Variants in NDUFS4 observed in about 807,000 individuals in gnomAD.
NDUFS4 encodes the protein NADH dehydrogenase [ubiquinone] iron-sulfur protein 4, mitochondrial.
Under a neutral mutation model 24.3 loss-of-function variants are expected in NDUFS4, and 28 were observed. The ratio of observed to expected loss-of-function variants is 1.15; its 90% CI spans 0.85 to 1.58. The LOEUF (loss-of-function observed/expected upper bound fraction) is 1.58, where lower values mean the gene tolerates loss of function less well. Ranked by LOEUF, NDUFS4 falls within the 40% of genes most tolerant of loss-of-function variation. The pLI is 0.00. For synonymous variants in NDUFS4, 93 were observed against 69.7 expected (o/e 1.34, Z -1.67); for missense variants, 223 against 207.9 (o/e 1.07, Z -0.45).
intron 4 of NDUFS4, among the ~76,000 whole-genome samples, chr5:53,665,498 T>C (rs1752485220): frequency 1.3e-5 from 2 of 152,230 alleles, no homozygotes; most frequent in South Asian, 4.1e-4. Flanking sequence ...CTGGCTGCTT[T>C]GTTTACCTAG....
chr5:53,664,154 A>T (rs1376444392), intron 4 of NDUFS4, among the ~76,000 whole-genome samples: 2 of 152,160 alleles, frequency 1.3e-5, no homozygotes, highest in African/African-American at 2.4e-5. Context: ...AATGTTGAAT[A>T]TTGGCCCCCA....
At chr5:53,566,637 C>A (rs144159784) in intron 1 of NDUFS4, among the ~76,000 whole-genome samples, 1 of 152,238 alleles carries the variant, frequency 6.6e-6, no homozygotes, top group East Asian at 1.9e-4. Flanking sequence ...CACGGATGCT[C>A]AAGTCCTTGA....
intron 1 of NDUFS4, among the ~76,000 whole-genome samples, chr5:53,580,672 T>G (rs533085067): frequency 5.9e-5 from 9 of 152,094 alleles, no homozygotes; most frequent in African/African-American, 1.7e-4. Context: ...TCTCTCTTTC[T>G]TTCTTTCTCT....
intron 2 of NDUFS4, among the ~76,000 whole-genome samples, chr5:53,639,835 T>C (rs1026267381): frequency 2.6e-5 from 4 of 152,198 alleles, no homozygotes; most frequent in Non-Finnish European, 5.9e-5. Flanking sequence ...AGTTTGTATT[T>C]CTAAAAGATA....
intron 2 of NDUFS4, among the ~76,000 whole-genome samples, chr5:53,631,740 C>G (rs1246316664): frequency 6.6e-6 from 1 of 152,220 alleles, no homozygotes; most frequent in African/African-American, 2.4e-5. Context: ...CAAGCTCCAG[C>G]ATCCCAGGTC....
chr5:53,623,807 C>T (rs904407652), intron 2 of NDUFS4, among the ~76,000 whole-genome samples: 1 of 152,124 alleles, frequency 6.6e-6, no homozygotes, highest in Non-Finnish European at 1.5e-5. Context: ...CAACCTCTGC[C>T]TCCCGGGATC....
rs192523549 is a variant in NDUFS4 at position 53,677,679 on chromosome 5, A to G, written c.425-5439A>G. On this transcript the variant is annotated intron_variant, in intron 4 of 4. Transcript: ENST00000296684. ...ATAATATGGGTACATAGCCTGGTGA[A>G]GAATCTTGAAACCTTCCAAGTACCA... 3.4e-4 allele frequency among the ~76,000 whole-genome samples: 52 copies of G among 152,324 alleles called. No individual in the cohort carries two copies. In the East Asian group the frequency reaches 9.3e-3, roughly 27 times the overall value.
At chr5:53,578,300 G>GCCA (rs1749451066) in intron 1 of NDUFS4, among the ~76,000 whole-genome samples, 1 of 152,168 alleles carries the variant, frequency 6.6e-6, no homozygotes, top group Non-Finnish European at 1.5e-5. Flanking sequence ...TTTGGTTCTA[G>GCCA]ATTTAGTTTT....
At chr5:53,646,900 G>T (rs1751881920) in intron 3 of NDUFS4, among the ~76,000 whole-genome samples, 1 of 151,942 alleles carries the variant, frequency 6.6e-6, no homozygotes, top group African/African-American at 2.4e-5. Context: ...ATGTGTTTAG[G>T]AAAATATAGG....
At position 53,570,420 on chromosome 5, in the gene NDUFS4, A is replaced by G. The variant is rs189794163; in HGVS notation, c.98+9660A>G. On this transcript the variant is annotated intron_variant, in intron 1 of 4. Coordinates refer to ENST00000296684, the MANE Select transcript of NDUFS4 (RefSeq NM_002495.4). Reference sequence around the variant, plus strand: ...GGTACCACAGTTTATCCATTTACCTATTGAAGGACATATGAATTATTTCAG... The same window carrying G: ...GGTACCACAGTTTATCCATTTACCTGTTGAAGGACATATGAATTATTTCAG... 7.8e-4 allele frequency among the ~76,000 whole-genome samples: 118 copies of G among 152,240 alleles called. 1 individual carries two copies. Among genetic ancestry groups the G allele is most frequent in the African/African-American group, 2.8e-3 (117 of 41,548 alleles).
chr5:53,573,736 G>A (rs1410420559), intron 1 of NDUFS4: 2 of 286,096 alleles, frequency 7.0e-6, no homozygotes, highest in African/African-American at 4.6e-5. Context: ...CTATAGGCAT[G>A]TACCACTAAG....
rs995418928 is a variant in NDUFS4, at chr5:53,574,005, G to GT, written c.98+13251dup. ...TTATTTGTTACATAAAGTTATATAA[G>GT]TTTTTTGTAGATTCTTTGGGCTTTC... On this transcript the variant is annotated intron_variant, in intron 1 of 4. Coordinates refer to ENST00000296684, the MANE Select transcript of NDUFS4 (RefSeq NM_002495.4). Among the ~76,000 whole-genome samples, 69 of 152,272 alleles carry GT rather than the reference G, an allele frequency of 4.5e-4. 1 individual carries two copies. The highest frequency in any genetic ancestry group is 1.5e-3 in the African/African-American group (63 of 41,564).
intron 2 of NDUFS4, among the ~76,000 whole-genome samples, chr5:53,641,116 A>G (rs1751694577): frequency 6.6e-6 from 1 of 152,138 alleles, no homozygotes; most frequent in African/African-American, 2.4e-5. Flanking sequence ...TAAATGAGAA[A>G]CATTCTTTTT....
chr5:53,567,901 C>G (rs1749086736), intron 1 of NDUFS4, among the ~76,000 whole-genome samples: 2 of 152,102 alleles, frequency 1.3e-5, no homozygotes, highest in African/African-American at 4.8e-5. Flanking sequence ...AATATATGAG[C>G]TCTTGTGACT....
intron 2 of NDUFS4, among the ~76,000 whole-genome samples, chr5:53,611,912 T>G (rs1750709538): frequency 6.6e-6 from 1 of 152,142 alleles, no homozygotes; most frequent in Non-Finnish European, 1.5e-5. Flanking sequence ...TTAAAGATTT[T>G]GAGTAGGTAC....
At position 53,588,829 on chromosome 5, in the gene NDUFS4, C is replaced by G. The variant is rs1186889255; in HGVS notation, c.99-14623C>G. The stretch of plus-strand genomic sequence containing the variant: ...TCACCATATTTTATTTTTGAATTCA[C>G]TTTTTATTTTATTTTTAATATATTT... On this transcript the variant is annotated intron_variant, in intron 1 of 4. Transcript: ENST00000296684. Among the ~76,000 whole-genome samples, 7 of 152,042 alleles carry G rather than the reference C, an allele frequency of 4.6e-5. No homozygotes were observed. The East Asian group carries it at 1.4e-3, about 29-fold the overall frequency.
At chr5:53,677,923 T>C (rs1740529958) in intron 4 of NDUFS4, among the ~76,000 whole-genome samples, 1 of 152,348 alleles carries the variant, frequency 6.6e-6, no homozygotes, top group South Asian at 2.1e-4. Context: ...AGAACGTCAA[T>C]CAAGGTTACT....
chr5:53,597,070 T>A (rs900214007), intron 1 of NDUFS4, among the ~76,000 whole-genome samples: 7 of 152,192 alleles, frequency 4.6e-5, no homozygotes, highest in Non-Finnish European at 1.0e-4. Flanking sequence ...GTTTGTCTGC[T>A]CCATGTGGTG....
At chr5:53,660,577 T>C (rs914295823) in intron 4 of NDUFS4, among the ~76,000 whole-genome samples, 1 of 152,216 alleles carries the variant, frequency 6.6e-6, no homozygotes, top group African/African-American at 2.4e-5. Context: ...ATTGCCACAC[T>C]GACTTCCACA....
Sources: gnomAD v4.1 joint callset for allele counts (sites outside exome capture counted in the v4.1 genomes callset) on GRCh38, gnomAD v4.1.1 for gene constraint, MANE v1.5 for transcripts, NCBI Gene and HGNC (gene_info 2026-07-23, HGNC 2026-07-21) for gene names.